The following CYP19A1 variants were observed in gnomAD, a reference collection of about 807,000 sequenced individuals.
CYP19A1 encodes aromatase.
Under a neutral mutation model 44.4 loss-of-function variants are expected in CYP19A1, and 32 were observed. The observed-to-expected ratio is 0.72, with a 90% CI of 0.54 to 0.97. The LOEUF (loss-of-function observed/expected upper bound fraction) is 0.97, where lower values mean the gene tolerates loss of function less well. CYP19A1 is among the 50% of genes least tolerant of loss of function. The pLI, the probability that CYP19A1 is intolerant of heterozygous loss-of-function variation, is 0.00. For missense variants in CYP19A1, 598 were observed against 637.8 expected (o/e 0.94, Z 0.67); for synonymous variants, 212 against 215.6 (o/e 0.98, Z 0.14).
Position 51,215,738 on chromosome 15 carries a change from A to C in CYP19A1, c.823T>G (p.Cys275Gly), listed in dbSNP as rs201118855. The change falls in exon 7 of 10, where the codon TGT becomes GGT. Residue 275 changes from cysteine (C) to glycine (G), a missense_variant. Cys to Gly is a radical substitution (Grantham distance 159). Transcript: ENST00000396402. ...ATCAACTCAGTGGCAAAGTCCATAC[A>C]TTCTTCCAGTTTCTCTTCTGTGGAA... The part of the protein sequence containing the change: ...RISTEEKLEE[C>G]MDFATELILA... 2 of 1,614,044 alleles carry C rather than the reference A, an allele frequency of 1.2e-6. No individual in the cohort carries two copies. Among genetic ancestry groups the C allele is most frequent in the Non-Finnish European group, 1.7e-6 (2 of 1,179,980 alleles).
rs187654790 is a variant in CYP19A1 at position 51,298,456 on chromosome 15, G to A, written c.-39+40039C>T. On this transcript the variant is annotated intron_variant, in intron 1 of 9. Coordinates refer to ENST00000396402, the MANE Select transcript of CYP19A1 (RefSeq NM_000103.4). ...TCTTTGTGGAAAGAGCATTCACATAGGAATCAGGAAGAGTTGGCTTCCACC... is the reference window on the plus strand; with the variant it reads ...TCTTTGTGGAAAGAGCATTCACATAAGAATCAGGAAGAGTTGGCTTCCACC... Among the ~76,000 whole-genome samples the A allele has an allele frequency of 2.0e-5, 3 of 152,320 alleles. No homozygotes were observed. In the East Asian group the frequency reaches 5.8e-4, roughly 29 times the overall value.
chr15:51,317,634 A>G (rs1460720807), intron 1 of CYP19A1, among the ~76,000 whole-genome samples: 1 of 152,224 alleles, frequency 6.6e-6, no homozygotes, highest in Admixed American at 6.5e-5. Flanking sequence ...AGAAAGGCCC[A>G]GAAGAGTTTG....
At chr15:51,223,733 T>A (rs1334186874) in intron 4 of CYP19A1, among the ~76,000 whole-genome samples, 1 of 151,990 alleles carries the variant, frequency 6.6e-6, no homozygotes, top group Non-Finnish European at 1.5e-5. Context: ...TTTCCATACA[T>A]CTTGGAAGGA....
At chr15:51,335,562 T>C (rs1240787529) in intron 1 of CYP19A1, among the ~76,000 whole-genome samples, 1 of 152,180 alleles carries the variant, frequency 6.6e-6, no homozygotes, top group Non-Finnish European at 1.5e-5. Flanking sequence ...CCTTTTTACA[T>C]ACAGATGAAA....
At chr15:51,251,149 G>T (rs2034292606) in intron 1 of CYP19A1, among the ~76,000 whole-genome samples, 1 of 152,166 alleles carries the variant, frequency 6.6e-6, no homozygotes, top group African/African-American at 2.4e-5. Context: ...GAAGCCTCCG[G>T]AGCCAAGTGC....
intron 1 of CYP19A1, among the ~76,000 whole-genome samples, chr15:51,326,977 A>T (rs982947537): frequency 1.3e-5 from 2 of 152,192 alleles, no homozygotes; most frequent in Non-Finnish European, 2.9e-5. Flanking sequence ...GTCTGGGGTC[A>T]AGCTCAGTCT....
intron 3 of CYP19A1, among the ~76,000 whole-genome samples, chr15:51,232,931 G>T (rs1288888807): frequency 2.6e-5 from 4 of 152,228 alleles, no homozygotes; most frequent in African/African-American, 4.8e-5. Context: ...AGCCGGAATT[G>T]TTACAATGGC....
intron 8 of CYP19A1, among the ~76,000 whole-genome samples, chr15:51,213,265 G>A (rs2031213187): frequency 6.6e-6 from 1 of 152,174 alleles, no homozygotes. Flanking sequence ...ATCAGCCCTG[G>A]GTGAGCTGGG....
chr15:51,232,723 C>A (rs147792970), intron 3 of CYP19A1, among the ~76,000 whole-genome samples: 1 of 152,296 alleles, frequency 6.6e-6, no homozygotes, highest in East Asian at 1.9e-4. Flanking sequence ...TTTCCCTCAT[C>A]TCTTATCATC....
At chr15:51,259,371 G>C (rs1050910510) in intron 1 of CYP19A1, among the ~76,000 whole-genome samples, 1 of 152,194 alleles carries the variant, frequency 6.6e-6, no homozygotes, top group African/African-American at 2.4e-5. Flanking sequence ...ATGGTATAAT[G>C]AAAGAACCCA....
intron 6 of CYP19A1, among the ~76,000 whole-genome samples, chr15:51,217,703 A>T (rs1301228535): frequency 6.6e-6 from 1 of 152,246 alleles, no homozygotes. Flanking sequence ...TAACATATTT[A>T]GTACCCTCTA....
intron 8 of CYP19A1, among the ~76,000 whole-genome samples, chr15:51,212,966 G>A (rs2031177919): frequency 6.6e-6 from 1 of 152,138 alleles, no homozygotes; most frequent in Non-Finnish European, 1.5e-5. Flanking sequence ...CCTGCTTTCT[G>A]AAATCTTTGA....
At chr15:51,290,598 G>A (rs2035819960) in intron 1 of CYP19A1, among the ~76,000 whole-genome samples, 1 of 152,174 alleles carries the variant, frequency 6.6e-6, no homozygotes, top group African/African-American at 2.4e-5. Context: ...TATGGAAAGG[G>A]GTAAGTGTAG....
At chr15:51,337,719 G>A (rs1288073510) in intron 1 of CYP19A1, 1 of 152,678 alleles carries the variant, frequency 6.5e-6, no homozygotes, top group Non-Finnish European at 1.5e-5. Flanking sequence ...TGGAAAGAGG[G>A]TTGGAGAGAG....
At chr15:51,230,641 CAG>C (rs1314217146) in intron 3 of CYP19A1, among the ~76,000 whole-genome samples, 5 of 126,286 alleles carry the variant, frequency 4.0e-5, no homozygotes, top group African/African-American at 1.5e-4. Context: ...TTTTTTGAGA[CAG>C]AGTCTCACTC....
chr15:51,212,122 AC>A, intron 9 of CYP19A1, 197 bp downstream of exon 9: 1 of 621,402 alleles, frequency 1.6e-6, no homozygotes, highest in Non-Finnish European at 2.9e-6. Flanking sequence ...AGAGCTGGAG[AC>A]CCAACATCCT....
intron 1 of CYP19A1, among the ~76,000 whole-genome samples, chr15:51,283,346 G>A (rs2035591684): frequency 6.6e-6 from 1 of 152,166 alleles, no homozygotes; most frequent in Non-Finnish European, 1.5e-5. Context: ...TCCTGTAGTT[G>A]CAACATTAAA....
At chr15:51,251,085 G>A (rs980990325) in intron 1 of CYP19A1, among the ~76,000 whole-genome samples, 1 of 152,166 alleles carries the variant, frequency 6.6e-6, no homozygotes, top group Non-Finnish European at 1.5e-5. Context: ...TGCCACGCCC[G>A]GGCTGAGGGG....
At chr15:51,330,676 T>C (rs2036686577) in intron 1 of CYP19A1, among the ~76,000 whole-genome samples, 1 of 151,928 alleles carries the variant, frequency 6.6e-6, no homozygotes, top group South Asian at 2.1e-4. Context: ...TGGAGAACAC[T>C]AGCAGTTGGG....
Sources: gnomAD v4.1 joint callset for allele counts (sites outside exome capture counted in the v4.1 genomes callset) on GRCh38, gnomAD v4.1.1 for gene constraint, MANE v1.5 for transcripts, NCBI Gene and HGNC (gene_info 2026-07-23, HGNC 2026-07-21) for gene names.